PLCG2: variants seen among roughly 807,000 people sequenced by gnomAD.
PLCG2 encodes phospholipase C gamma 2.
In PLCG2, 69 loss-of-function variants were observed where a neutral mutation model predicts 175.6. The ratio of observed to expected loss-of-function variants is 0.39; its 90% CI spans 0.32 to 0.48. The LOEUF is 0.48. Ranked by LOEUF, PLCG2 falls within the 20% of genes least tolerant of loss-of-function variation. PLCG2 has a pLI of 0.91. For missense variants in PLCG2, 1,798 were observed against 1,650.9 expected, an observed-to-expected ratio of 1.09 and a Z score of -1.54; for synonymous variants, 827 against 624.0, an observed-to-expected ratio of 1.33 and a Z score of -4.85.
At chr16:81,906,651 T>C (rs1392954279) in intron 15 of PLCG2, among the ~76,000 whole-genome samples, 1 of 152,240 alleles carries the variant, frequency 6.6e-6, no homozygotes, top group Non-Finnish European at 1.5e-5. Flanking sequence ...CTTGAACTCC[T>C]GATCTCAAGT....
intron 21 of PLCG2, among the ~76,000 whole-genome samples, chr16:81,923,200 C>G (rs919083691): frequency 6.6e-6 from 1 of 151,424 alleles, no homozygotes; most frequent in Non-Finnish European, 1.5e-5. Context: ...AACCCTAACC[C>G]CAGCGCTAAA....
chr16:81,872,465 C>A (rs778936448), intron 7 of PLCG2, among the ~76,000 whole-genome samples: 3 of 152,142 alleles, frequency 2.0e-5, no homozygotes, highest in Non-Finnish European at 4.4e-5. Context: ...GGAAGATAGG[C>A]AGGAAGGATA....
chr16:81,839,381 T>G (rs752634156), intron 2 of PLCG2, among the ~76,000 whole-genome samples: 4 of 152,114 alleles, frequency 2.6e-5, no homozygotes, highest in Non-Finnish European at 2.9e-5. Context: ...ATATAGTCTT[T>G]GTATAATGAG....
rs1290020542 is a variant in PLCG2 at position 81,907,756 on chromosome 16, G to A, written c.1539G>A (p.Met513Ile). The change falls in exon 16 of 33, where the codon ATG (methionine) becomes ATA (isoleucine). Residue 513 changes from methionine to isoleucine, a missense_variant. By Grantham distance (10) the Met-to-Ile change is conservative. Transcript: ENST00000564138. ...TCAGTGATGACATTGAACAGACTAT[G>A]GAGGAGGAAGTGCCCCAGGTAGGGG... Reference protein sequence around the residue: ...LSFSDDIEQTMEEEVPQDIPP... With the variant: ...LSFSDDIEQTIEEEVPQDIPP... The A allele has an allele frequency of 1.2e-6, 2 of 1,613,378 alleles. No individual in the cohort carries two copies. The highest frequency in any genetic ancestry group is 1.7e-6 in the Non-Finnish European group (2 of 1,179,594).
At chr16:81,910,389 C>T in intron 17 of PLCG2, 131 bp from the exon 18 acceptor site, 8 of 784,718 alleles carry the variant, frequency 1.0e-5, no homozygotes, top group Non-Finnish European at 8.4e-6. Context: ...CTGCGCCCAG[C>T]CTCCTGTGTC....
chr16:81,743,366 A>G (rs1909636038), intron 1 of PLCG2, among the ~76,000 whole-genome samples: 1 of 152,128 alleles, frequency 6.6e-6, no homozygotes, highest in Non-Finnish European at 1.5e-5. Flanking sequence ...CAAAAACAAA[A>G]CAAAAGAACC....
chr16:81,911,981 T>A (rs1909647050), intron 18 of PLCG2, among the ~76,000 whole-genome samples: 2 of 151,964 alleles, frequency 1.3e-5, no homozygotes, highest in South Asian at 4.1e-4. Context: ...GTATTTTTAG[T>A]AGAGACAGGG....
chr16:81,785,459 A>T (rs1910926334), intron 1 of PLCG2, among the ~76,000 whole-genome samples: 1 of 151,362 alleles, frequency 6.6e-6, no homozygotes, highest in Admixed American at 6.6e-5. Context: ...GTCTCCATGG[A>T]TGATTCTGAA....
intron 2 of PLCG2, among the ~76,000 whole-genome samples, chr16:81,847,200 A>G (rs577180688): frequency 1.3e-5 from 2 of 152,220 alleles, no homozygotes; most frequent in Admixed American, 1.3e-4. Flanking sequence ...ATGATATTAC[A>G]AAAGATAAAG....
At chr16:81,897,879 T>G (rs1454404509) in intron 13 of PLCG2, 1 of 455,880 alleles carries the variant, frequency 2.2e-6, no homozygotes, top group South Asian at 1.5e-5. Context: ...ACTGCAGATG[T>G]CCCTTGAGCT....
chr16:81,944,430 G>A (rs961862138), intron 30 of PLCG2, among the ~76,000 whole-genome samples: 4 of 152,134 alleles, frequency 2.6e-5, no homozygotes, highest in African/African-American at 9.7e-5. Context: ...GGATATGGGA[G>A]GATGTGCATA....
chr16:81,961,508 T>G lies in PLCG2; in HGVS notation c.*3510T>G, dbSNP rs1911775945. 4.5e-6 allele frequency: 1 copy of G among 222,040 alleles called. No homozygotes were observed. The highest frequency in any genetic ancestry group is 9.0e-6 in the Non-Finnish European group (1 of 111,214). The allele number at this position is 222,040 out of a possible 1,614,324, so 13.8% of individuals were successfully genotyped here. The stretch of plus-strand genomic sequence containing the variant: ...AGGATTATAGGATACTATATAATAC[T>G]TTTGGTACAGAGATAGAATTAAATA... On this transcript the variant is annotated 3_prime_UTR_variant, in exon 33 of 33. Transcript: ENST00000564138.
At chr16:81,806,790 G>T (rs1230276129) in intron 2 of PLCG2, among the ~76,000 whole-genome samples, 1 of 152,018 alleles carries the variant, frequency 6.6e-6, no homozygotes. Flanking sequence ...GGGCTGTGTA[G>T]ATAAGTGTTT....
At chr16:81,811,578 T>G (rs1227694178) in intron 2 of PLCG2, among the ~76,000 whole-genome samples, 1 of 152,144 alleles carries the variant, frequency 6.6e-6, no homozygotes, top group African/African-American at 2.4e-5. Flanking sequence ...GTGCATGGGT[T>G]CTCATTGTTC....
At chr16:81,928,813 T>C in intron 24 of PLCG2, 189 bp downstream of exon 24, 1 of 520,744 alleles carries the variant, frequency 1.9e-6, no homozygotes. Flanking sequence ...TATTAATCTC[T>C]ACTAAAACTG....
rs1206310273 is a variant in PLCG2, at chr16:81,781,029, A to ACAAG, written c.-48+1608_-48+1609insGCAA. On this transcript the variant is annotated intron_variant, in intron 1 of 32. Transcript: ENST00000564138. ...GTGACAAGAGAGACTCCATCTCAAG[A>ACAAG]CAAACAAACAAACAAACAAACACAC... 9.6e-5 allele frequency among the ~76,000 whole-genome samples: 3 copies of ACAAG among 31,092 alleles called. No homozygotes were observed. The Admixed American group carries it at 1.1e-3, about 12-fold the overall frequency. 20.4% of individuals were successfully genotyped at this position (31,092 alleles called of 152,430 possible).
intron 2 of PLCG2, among the ~76,000 whole-genome samples, chr16:81,827,119 C>T (rs1053389720): frequency 3.9e-5 from 6 of 151,996 alleles, no homozygotes; most frequent in African/African-American, 1.4e-4. Context: ...AAATAAGACT[C>T]AGGGGATGCC....
chr16:81,917,144 T>C (rs1302000613), intron 19 of PLCG2, among the ~76,000 whole-genome samples: 5 of 152,088 alleles, frequency 3.3e-5, no homozygotes, highest in Non-Finnish European at 7.4e-5. Flanking sequence ...GATCCTGTGG[T>C]ATTTGTTTTT....
At position 81,894,534 on chromosome 16, in the gene PLCG2, C is replaced by T. The variant is rs146877379; in HGVS notation, c.1072+740C>T. 3.0e-3 allele frequency among the ~76,000 whole-genome samples: 453 copies of T among 152,276 alleles called. 2 individuals carry two copies. The highest frequency in any genetic ancestry group is 4.2e-3 in the Non-Finnish European group (286 of 68,026). On this transcript the variant is annotated intron_variant, in intron 12 of 32. Transcript: ENST00000564138. ...ATAGCCTCTCTGGCTATTTTCCTTCCGGCCTCTCTCTCACCAAAGGCTCAT... is the reference window on the plus strand; with the variant it reads ...ATAGCCTCTCTGGCTATTTTCCTTCTGGCCTCTCTCTCACCAAAGGCTCAT...
Sources: allele counts gnomAD v4.1 joint callset (sites outside exome capture counted in the v4.1 genomes callset), GRCh38; gene constraint gnomAD v4.1.1; transcripts MANE v1.5; gene names NCBI Gene and HGNC (gene_info 2026-07-23, HGNC 2026-07-21).